The following POLD2 variants were observed in gnomAD, a reference collection of about 807,000 sequenced individuals.
POLD2 encodes the protein DNA polymerase delta 2, accessory subunit.
Under a neutral mutation model 48.8 loss-of-function variants are expected in POLD2, and 31 were observed. The ratio of observed to expected loss-of-function variants is 0.64; its 90% CI spans 0.48 to 0.86. The LOEUF is 0.86. Ranked by LOEUF, POLD2 falls within the 40% of genes least tolerant of loss-of-function variation. The pLI is 0.00. For synonymous variants in POLD2, 233 were observed against 256.3 expected, an observed-to-expected ratio of 0.91 and a Z score of 0.87; for missense variants, 455 against 610.1, an observed-to-expected ratio of 0.75 and a Z score of 2.68.
rs749284790 is a variant in POLD2 at position 44,116,560 on chromosome 7, A to T, written c.781-50T>A. 7.2e-7 allele frequency: 1 copy of T among 1,381,492 alleles called. No individual in the cohort carries two copies. The highest frequency in any genetic ancestry group is 1.4e-5 in the African/African-American group (1 of 69,828). 85.6% of individuals were successfully genotyped at this position (1,381,492 alleles called of 1,614,324 possible). On this transcript the variant is annotated intron_variant, in intron 6 of 10. Coordinates refer to ENST00000610533, the MANE Select transcript of POLD2 (RefSeq NM_006230.4). This position sits in a 1 kb window ranked among gnomAD's most constrained non-coding sequence, Gnocchi z 6.1. ...TCAGGCCCAGGCGAGTCCCAGGCTCAGAGGAGAGTAGAGCCCCACCAGCTG... is the reference window on the plus strand; with the variant it reads ...TCAGGCCCAGGCGAGTCCCAGGCTCTGAGGAGAGTAGAGCCCCACCAGCTG...
intron 2 of POLD2, chr7:44,118,386 A>C (rs976852238): frequency 4.5e-6 from 1 of 224,050 alleles, no homozygotes; most frequent in Non-Finnish European, 8.8e-6. Flanking sequence ...AACACCAGGG[A>C]GGAGGCCAGG....
rs765624169 is a variant in POLD2 at position 44,114,887 on chromosome 7, G to A, written c.1308C>T (p.Thr436=). Residue 436 remains threonine (T), a synonymous_variant, in exon 11 of 11, where the codon ACC becomes ACT. Coordinates refer to ENST00000610533, the MANE Select transcript of POLD2 (RefSeq NM_006230.4). ...GGCTGCGCAGGTTCACAAGGCAGGC[G>A]GTCTGCGTGGCACTGAAGTCAGGGA... The part of the protein sequence containing the change: ...VTVPDFSATQ[T]ACLVNLRSLA... The A allele has an allele frequency of 2.2e-5, 36 of 1,613,658 alleles. No individual in the cohort carries two copies. The South Asian group carries it at 2.4e-4, about 11-fold the overall frequency.
chr7:44,123,732 C>A (rs569626296), upstream of POLD2: 1 of 1,338,362 alleles, frequency 7.5e-7, no homozygotes, highest in Non-Finnish European at 9.5e-7. Flanking sequence ...CTGGGCAACG[C>A]GGGGCGGGGG....
At chr7:44,123,649 G>A (rs965818772), upstream of POLD2, 1 of 1,382,606 alleles carries the variant, frequency 7.2e-7, no homozygotes, top group Non-Finnish European at 9.3e-7. Flanking sequence ...GTCACCAGGC[G>A]CCTCATCCCG....
Position 44,117,253 on chromosome 7 carries a change from G to T in POLD2, c.467-6C>A, listed in dbSNP as rs41279615. 1 of 1,607,726 alleles carries T rather than the reference G, an allele frequency of 6.2e-7. No individual in the cohort carries two copies. The highest frequency in any genetic ancestry group is 2.2e-5 in the East Asian group (1 of 44,826). The stretch of plus-strand genomic sequence containing the variant: ...AAACACAGCCAGGACAGTCCCTGGG[G>T]AGCAGTGGCATCAGGCCTGAGCAGG... On this transcript the variant is annotated splice_polypyrimidine_tract_variant and splice_region_variant and intron_variant, in intron 4 of 10. Coordinates refer to ENST00000610533, the MANE Select transcript of POLD2 (RefSeq NM_006230.4).
Position 44,116,457 on chromosome 7 carries a change from C to A in POLD2, c.834G>T (p.Met278Ile). 1 of 1,584,094 alleles carries A rather than the reference C, an allele frequency of 6.3e-7. No homozygotes were observed. The highest frequency in any genetic ancestry group is 1.8e-5 in the Admixed American group (1 of 55,054). ...TCAGCTGCAGGAGGATCTCATCCAGCATCTTAACAGCCTCCACGCTGGCTG... is the reference window on the plus strand; with the variant it reads ...TCAGCTGCAGGAGGATCTCATCCAGAATCTTAACAGCCTCCACGCTGGCTG... ...TQAASVEAVK[M>I]LDEILLQLSA... The change falls in exon 7 of 11, where the codon ATG (methionine) becomes ATT (isoleucine). Residue 278 changes from methionine to isoleucine, a missense_variant. Met to Ile is a conservative substitution (Grantham distance 10, BLOSUM62 1). This residue lies in a region of POLD2 where 349 missense variants were observed against 437.4 expected (regional missense o/e 0.80). Coordinates refer to ENST00000610533, the MANE Select transcript of POLD2 (RefSeq NM_006230.4). This position sits in a 1 kb window ranked among gnomAD's most constrained non-coding sequence, Gnocchi z 6.1.
upstream of POLD2, chr7:44,123,783 C>A (rs535324615): frequency 5.7e-5 from 67 of 1,178,306 alleles, no homozygotes; most frequent in Non-Finnish European, 7.0e-5. Context: ...GGCGGCCGCG[C>A]GTGCAGGGGT....
At chr7:44,115,473 C>G in intron 9 of POLD2, 77 bp from the exon 10 acceptor site, 1 of 983,478 alleles carries the variant, frequency 1.0e-6, no homozygotes, top group South Asian at 1.3e-5. Context: ...GGCTGCAGCC[C>G]CTCCTCCCAT....
In POLD2 at chr7:44,116,665, G is replaced by C; in HGVS notation, c.780+152C>G. ...CTCAGCGAGGGCCTGGGCATGAGGA[G>C]CCCCATTGCAGGAGGCCCCAGAGTC... On this transcript the variant is annotated intron_variant, in intron 6 of 10. Transcript: ENST00000610533. The surrounding 1 kb of genome is among the most constrained non-coding windows in gnomAD (Gnocchi z 6.1). The C allele has an allele frequency of 3.1e-6, 3 of 981,100 alleles. No homozygotes were observed. The highest frequency in any genetic ancestry group is 2.6e-5 in the East Asian group (1 of 38,254). The allele number at this position is 981,100 out of a possible 1,614,324, so 60.8% of individuals were successfully genotyped here.
At position 44,122,105 on chromosome 7, in the gene POLD2, G is replaced by T. The variant is rs1249976215; in HGVS notation, c.-52C>A. On this transcript the variant is annotated 5_prime_UTR_variant, in exon 2 of 11. Coordinates refer to ENST00000610533, the MANE Select transcript of POLD2 (RefSeq NM_006230.4). The stretch of plus-strand genomic sequence containing the variant: ...ACACAGCTTCGCCCAGGCCAAGGAG[G>T]TTCACTGCGAAAACACAAAGGCATT... The T allele has an allele frequency of 2.5e-6, 4 of 1,589,922 alleles. No individual in the cohort carries two copies. Among genetic ancestry groups the T allele is most frequent in the Non-Finnish European group, 3.4e-6 (4 of 1,165,204 alleles).
At chr7:44,118,992 CTT>C (rs1297379308) in intron 2 of POLD2, among the ~76,000 whole-genome samples, 1 of 152,096 alleles carries the variant, frequency 6.6e-6, no homozygotes, top group Non-Finnish European at 1.5e-5. Flanking sequence ...TCTTTTAAGA[CTT>C]TAGATTCTTC....
Position 44,122,274 on chromosome 7 carries a change from T to C in POLD2, c.-56-165A>G. On this transcript the variant is annotated intron_variant, in intron 1 of 10. Coordinates refer to ENST00000610533, the MANE Select transcript of POLD2 (RefSeq NM_006230.4). ...GAAATTTATCGTGCCTGGATACCGA[T>C]GTCTCACCCTGTAGCGGTCATCCAA... 9 of 1,422,642 alleles carry C rather than the reference T, an allele frequency of 6.3e-6. No homozygotes were observed. The South Asian group carries it at 1.4e-4, about 22-fold the overall frequency. 88.1% of individuals were successfully genotyped at this position (1,422,642 alleles called of 1,614,324 possible).
Position 44,116,029 on chromosome 7 carries a change from C to A in POLD2, c.1019+86G>T. On this transcript the variant is annotated intron_variant, in intron 8 of 10. Transcript: ENST00000610533. The surrounding 1 kb of genome is among the most constrained non-coding windows in gnomAD (Gnocchi z 6.1). The stretch of plus-strand genomic sequence containing the variant: ...TAGGTGGGCCTCTGCAGCCCTGCCA[C>A]CTTCCTGGGCCCTCCCTCCCCTCCC... The A allele has an allele frequency of 6.3e-7, 1 of 1,598,174 alleles. No individual in the cohort carries two copies. The highest frequency in any genetic ancestry group is 8.6e-7 in the Non-Finnish European group (1 of 1,167,492).
chr7:44,114,808 C>A lies in POLD2; in HGVS notation c.1387G>T (p.Gly463Ter). The A allele has an allele frequency of 1.2e-6, 2 of 1,611,798 alleles. 1 individual carries two copies. Among genetic ancestry groups the A allele is most frequent in the South Asian group, 2.2e-5 (2 of 91,012 alleles). ...AGTCAGGGGCCCAGCCCCAGGCCTC[C>A]CAGGTCATCGTCCTCTGCCCCGAAG... Reference protein sequence around the residue: ...SGFGAEDDDLGGLGLGP With the variant: ...SGFGAEDDDL Residue 463 changes from glycine (G) to a stop codon, truncating the protein, a stop_gained, in exon 11 of 11, where the codon GGA becomes TGA. Coordinates refer to ENST00000610533, the MANE Select transcript of POLD2 (RefSeq NM_006230.4). LOFTEE classifies it high-confidence loss of function.
rs754986758 is a variant in POLD2, at chr7:44,115,388, G to A, written c.1156C>T (p.Pro386Ser). ...ATGAACGGGTCAGTTTTGTAGAAGG[G>A]GTAACAACCTGGAGGAGAAGGGGCA... ...PTAPDTLGCYPFYKTDPFIFP... is the reference protein window; with the variant it reads ...PTAPDTLGCYSFYKTDPFIFP... Residue 386 changes from proline to serine, a missense_variant, in exon 10 of 11, where the codon CCC (proline) becomes TCC (serine). Transcript: ENST00000610533. 6.8e-6 allele frequency: 11 copies of A among 1,609,044 alleles called. No individual in the cohort carries two copies. Among genetic ancestry groups the A allele is most frequent in the Non-Finnish European group, 7.7e-6 (9 of 1,175,456 alleles).
Position 44,123,548 on chromosome 7 carries a change from T to G in POLD2, c.-94A>C, listed in dbSNP as rs767779313. ...CGCATCCCGCCAATCCCCGCGCGCC[T>G]GCCCCGCCCATCGCCGCAACTCGCT... On this transcript the variant is annotated 5_prime_UTR_variant, in exon 1 of 11. Transcript: ENST00000610533. The G allele has an allele frequency of 6.1e-6, 9 of 1,484,402 alleles. No homozygotes were observed. In the East Asian group the frequency reaches 2.6e-4, roughly 43 times the overall value. 92.0% of individuals were successfully genotyped at this position (1,484,402 alleles called of 1,614,324 possible). A position where few individuals can be genotyped will look rare whatever the true frequency, so the allele number is the denominator to read the frequency against.
chr7:44,123,746 G>T, upstream of POLD2: 2 of 1,320,092 alleles, frequency 1.5e-6, no homozygotes, highest in East Asian at 3.2e-5. Context: ...GCGGGGGCTC[G>T]CAGGCCGGCG....
At position 44,115,650 on chromosome 7, in the gene POLD2, C is replaced by A. The variant is rs2128810270; in HGVS notation, c.1147+116G>T. 1.0e-5 allele frequency: 12 copies of A among 1,190,218 alleles called. No homozygotes were observed. The African/African-American group carries it at 1.1e-4, about 11-fold the overall frequency. The allele number at this position is 1,190,218 out of a possible 1,614,324, so 73.7% of individuals were successfully genotyped here. ...GGTGCCAAGCCTCTGAACTTCTCCT[C>A]AGACAGTTCTCAGCAATGCTGGCAA... On this transcript the variant is annotated intron_variant, in intron 9 of 10. Coordinates refer to ENST00000610533, the MANE Select transcript of POLD2 (RefSeq NM_006230.4).
In POLD2 at chr7:44,118,077, G is replaced by C; in HGVS notation, c.221-13C>G. 6.2e-7 allele frequency: 1 copy of C among 1,613,764 alleles called. No homozygotes were observed. Among genetic ancestry groups the C allele is most frequent in the African/African-American group, 1.3e-5 (1 of 75,062 alleles). The stretch of plus-strand genomic sequence containing the variant: ...CCCACTCCACTGCCTGGGACACGAG[G>C]GGTACAGACTCAGAGATGAAGTAGC... On this transcript the variant is annotated splice_polypyrimidine_tract_variant and intron_variant, in intron 2 of 10. Coordinates refer to ENST00000610533, the MANE Select transcript of POLD2 (RefSeq NM_006230.4).
Sources: allele counts gnomAD v4.1 joint callset (sites outside exome capture counted in the v4.1 genomes callset), GRCh38; gene constraint gnomAD v4.1.1; regional missense constraint gnomAD v4.1.1; non-coding constraint Gnocchi (gnomAD v3.1); transcripts MANE v1.5; gene names NCBI Gene and HGNC (gene_info 2026-07-23, HGNC 2026-07-21).